CDH12: variants seen among roughly 807,000 people sequenced by gnomAD.
The protein encoded by CDH12 is cadherin 12, also known as cadherin-12.
CDH12 carries 41 observed loss-of-function variants against 74.1 expected under a neutral mutation model. The ratio of observed to expected loss-of-function variants is 0.55; its 90% confidence interval spans 0.43 to 0.72. CDH12 has a LOEUF of 0.72. CDH12 is among the 30% of genes least tolerant of loss of function. The pLI, the probability that CDH12 is intolerant of heterozygous loss-of-function variation, is 0.00. For missense variants in CDH12, 945 were observed against 977.2 expected (o/e 0.97, Z 0.44); for synonymous variants, 399 against 355.0 (o/e 1.12, Z -1.39).
Position 22,103,993 on chromosome 5 carries a change from G to T in CDH12, c.-186-25131C>A, listed in dbSNP as rs182907940. ...TGGAAGAAAAATCAATAATGCATTT[G>T]TAAGGGTTGTATTCACTGAAATTAA... On this transcript the variant is annotated intron_variant, in intron 4 of 14. Coordinates refer to ENST00000382254, the MANE Select transcript of CDH12 (RefSeq NM_004061.5). 1.9e-3 allele frequency among the ~76,000 whole-genome samples: 286 copies of T among 152,264 alleles called. 1 individual carries two copies. The highest frequency in any genetic ancestry group is 0.013 in the South Asian group (65 of 4,828).
rs1752799741 is a variant in CDH12 at position 21,889,509 on chromosome 5, T to TATTA, written c.527-34723_527-34720dup. ...GGGCTTATCTTTTGAAAGAAAAATA[T>TATTA]ATTACCAATCCAATGTTCTGAAGCT... On this transcript the variant is annotated intron_variant, in intron 6 of 14. Transcript: ENST00000382254. 3 of 818,334 alleles carry TATTA rather than the reference T, an allele frequency of 3.7e-6. No individual in the cohort carries two copies. The South Asian group carries it at 1.7e-4, about 45-fold the overall frequency. The allele number at this position is 818,334 out of a possible 1,614,324, so 50.7% of individuals were successfully genotyped here. A position where few individuals can be genotyped will look rare whatever the true frequency, so the allele number is the denominator to read the frequency against.
intron 11 of CDH12, among the ~76,000 whole-genome samples, chr5:21,779,896 T>C (rs937975259): frequency 6.6e-6 from 1 of 152,216 alleles, no homozygotes; most frequent in African/African-American, 2.4e-5. Flanking sequence ...GATTACCTAC[T>C]CTTCTTATAG....
intron 1 of CDH12, among the ~76,000 whole-genome samples, chr5:22,787,526 A>G (rs1747698176): frequency 6.6e-6 from 1 of 152,202 alleles, no homozygotes; most frequent in Admixed American, 6.5e-5. Flanking sequence ...TTGCTATACA[A>G]TGGATGACTC....
At chr5:21,880,481 TCCTTCCTTCCTTCCTTCCTTCCTC>T (rs1363461414) in intron 6 of CDH12, among the ~76,000 whole-genome samples, 6 of 30,142 alleles carry the variant, frequency 2.0e-4, no homozygotes, top group Non-Finnish European at 4.7e-4. Context: ...CTTCCTTCCT[TCCTTCCTTCCTTCCTTCCTTCCTC>T]CCTCCCTCCC....
At chr5:21,908,363 A>G (rs932859393) in intron 6 of CDH12, among the ~76,000 whole-genome samples, 1 of 152,162 alleles carries the variant, frequency 6.6e-6, no homozygotes, top group African/African-American at 2.4e-5. Context: ...AATTATTCTC[A>G]TGCTCTGGGT....
intron 2 of CDH12, among the ~76,000 whole-genome samples, chr5:22,453,151 C>G (rs1036012649): frequency 6.6e-6 from 1 of 151,976 alleles, no homozygotes; most frequent in African/African-American, 2.4e-5. Context: ...TAAATTAGTA[C>G]AGCCACTATC....
At chr5:21,883,254 G>C in intron 6 of CDH12, 1 of 1,352,668 alleles carries the variant, frequency 7.4e-7, no homozygotes, top group South Asian at 1.2e-5. Context: ...GTTTGATTGA[G>C]GGTATATTTC....
At chr5:22,425,700 TTA>T (rs1324053158) in intron 2 of CDH12, among the ~76,000 whole-genome samples, 1 of 151,830 alleles carries the variant, frequency 6.6e-6, no homozygotes, top group Non-Finnish European at 1.5e-5. Flanking sequence ...TTTATATTAC[TTA>T]TATATAAAAA....
intron 1 of CDH12, among the ~76,000 whole-genome samples, chr5:22,612,245 A>G (rs1737441470): frequency 2.0e-5 from 3 of 152,138 alleles, no homozygotes; most frequent in Admixed American, 2.0e-4. Flanking sequence ...TCAAAAAATA[A>G]TGCTCATCAT....
At chr5:22,161,647 G>A (rs879523417) in intron 4 of CDH12, among the ~76,000 whole-genome samples, 1 of 151,734 alleles carries the variant, frequency 6.6e-6, no homozygotes, top group Admixed American at 6.6e-5. Context: ...AGCTATAATT[G>A]TGCCATTGAA....
At chr5:22,177,719 A>G (rs1749417060) in intron 4 of CDH12, among the ~76,000 whole-genome samples, 1 of 151,974 alleles carries the variant, frequency 6.6e-6, no homozygotes, top group Non-Finnish European at 1.5e-5. Flanking sequence ...AGAGCCACCC[A>G]CCTATCACAC....
intron 10 of CDH12, among the ~76,000 whole-genome samples, chr5:21,784,763 TA>T (rs1485642110): frequency 1.3e-5 from 2 of 152,130 alleles, no homozygotes; most frequent in East Asian, 3.9e-4. Flanking sequence ...TATCTCAACA[TA>T]AAAAACTATT....
intron 1 of CDH12, among the ~76,000 whole-genome samples, chr5:22,808,030 T>A (rs114633114): frequency 1.3e-5 from 2 of 152,254 alleles, no homozygotes; most frequent in Non-Finnish European, 2.9e-5. Flanking sequence ...TATAATCTTA[T>A]GGGACCACTG....
At chr5:22,276,170 A>T (rs1736628040) in intron 3 of CDH12, among the ~76,000 whole-genome samples, 1 of 152,194 alleles carries the variant, frequency 6.6e-6, no homozygotes, top group African/African-American at 2.4e-5. Context: ...AATTATTTCA[A>T]AAAGTATTCA....
rs146802803 is a variant in CDH12 at position 22,284,441 on chromosome 5, C to T, written c.-332-71798G>A. On this transcript the variant is annotated intron_variant, in intron 3 of 14. Coordinates refer to ENST00000382254, the MANE Select transcript of CDH12 (RefSeq NM_004061.5). ...GATGGAGTATTTCTAAGATCACATGCTTTTTGGCACAATTCAGCTTCTTGA... is the reference window on the plus strand; with the variant it reads ...GATGGAGTATTTCTAAGATCACATGTTTTTTGGCACAATTCAGCTTCTTGA... Among the ~76,000 whole-genome samples the T allele has an allele frequency of 5.9e-5, 9 of 152,186 alleles. No homozygotes were observed. In the East Asian group the frequency reaches 1.5e-3, roughly 26 times the overall value.
chr5:22,829,837 C>A (rs1216535361), intron 1 of CDH12, among the ~76,000 whole-genome samples: 1 of 152,172 alleles, frequency 6.6e-6, no homozygotes, highest in Non-Finnish European at 1.5e-5. Context: ...CTGGTAGACA[C>A]ACCTGAGCAT....
At chr5:21,943,964 T>A (rs2150093139) in intron 6 of CDH12, among the ~76,000 whole-genome samples, 1 of 152,218 alleles carries the variant, frequency 6.6e-6, no homozygotes, top group Middle Eastern at 3.4e-3. Context: ...AATAAGAAAT[T>A]AAGGCTGGGA....
chr5:22,048,011 C>T (rs1449864492), intron 5 of CDH12, among the ~76,000 whole-genome samples: 1 of 152,100 alleles, frequency 6.6e-6, no homozygotes, highest in East Asian at 1.9e-4. Flanking sequence ...TGAATGTGTT[C>T]TATGGAGGGC....
At chr5:22,079,307 A>T (rs983851408) in intron 4 of CDH12, among the ~76,000 whole-genome samples, 2 of 152,086 alleles carry the variant, frequency 1.3e-5, no homozygotes, top group African/African-American at 4.8e-5. Flanking sequence ...TGACAGTAGC[A>T]CCCCTTCCCA....
Sources: allele counts gnomAD v4.1 joint callset (sites outside exome capture counted in the v4.1 genomes callset), GRCh38; gene constraint gnomAD v4.1.1; transcripts MANE v1.5; gene names NCBI Gene and HGNC (gene_info 2026-07-23, HGNC 2026-07-21).